TTC7A: variants seen among roughly 807,000 people sequenced by gnomAD.
TTC7A encodes the protein tetratricopeptide repeat protein 7A.
A neutral mutation model predicts 103.7 loss-of-function variants in TTC7A; 110 were observed. The ratio of observed to expected loss-of-function variants is 1.06; its 90% CI spans 0.91 to 1.24. The LOEUF is 1.24. Ranked by LOEUF, TTC7A falls within the 50% of genes most tolerant of loss-of-function variation. TTC7A has a pLI of 0.00. For synonymous variants in TTC7A, 521 were observed against 467.9 expected, an observed-to-expected ratio of 1.11 and a Z score of -1.47; for missense variants, 1,340 against 1,116.3, an observed-to-expected ratio of 1.20 and a Z score of -2.86.
chr2:46,945,929 G>A (rs77204184), intron 1 of TTC7A, among the ~76,000 whole-genome samples: 6,121 of 152,250 alleles, frequency 0.04, 294 homozygotes, highest in African/African-American at 0.11. Flanking sequence ...TTGCCCCAGC[G>A]GGGAAGGGCC....
chr2:47,032,713 C>T (rs1344544607), intron 15 of TTC7A, among the ~76,000 whole-genome samples: 1 of 151,794 alleles, frequency 6.6e-6, no homozygotes, highest in East Asian at 1.9e-4. Context: ...TCATCTTGAG[C>T]CACCATGAGC....
chr2:46,931,854 A>G (rs1051468171), intron 2 of TTC7A, among the ~76,000 whole-genome samples: 3 of 152,144 alleles, frequency 2.0e-5, no homozygotes, highest in Non-Finnish European at 4.4e-5. Context: ...TAATGAATAC[A>G]TGTTGTTTAA....
At chr2:47,060,612 C>T (rs1405072049) in intron 18 of TTC7A, among the ~76,000 whole-genome samples, 157 bp from the exon 19 acceptor site, 1 of 152,196 alleles carries the variant, frequency 6.6e-6, no homozygotes, top group African/African-American at 2.4e-5. Context: ...CTAGTGTTCC[C>T]ACTACATCCT....
At chr2:47,014,189 A>G (rs978195440) in intron 11 of TTC7A, among the ~76,000 whole-genome samples, 2 of 152,088 alleles carry the variant, frequency 1.3e-5, no homozygotes, top group African/African-American at 4.8e-5. Flanking sequence ...TAGGTGGGGA[A>G]CTTGCTCACT....
rs1264208208 is a variant in TTC7A at position 46,941,235 on chromosome 2, TGCAGCGGCGGCGGCGGCG to T, written c.-300_-283del. On this transcript the variant is annotated 5_prime_UTR_variant, in exon 1 of 20. Transcript: ENST00000319190. This position sits in a 1 kb window ranked among gnomAD's most constrained non-coding sequence, Gnocchi z 4.2. ...CCGGGGCGGAGGCTGTGGCAGCAGC[TGCAGCGGCGGCGGCGGCG>T]GCAGCGCCAGGAGCTGCTACAGCAG... The T allele has an allele frequency of 6.3e-3, 951 of 149,892 alleles. 27 individuals carry two copies. Among genetic ancestry groups the T allele is most frequent in the Admixed American group, 0.054 (809 of 14,906 alleles). 9.3% of individuals were successfully genotyped at this position (149,892 alleles called of 1,614,324 possible).
chr2:47,024,760 C>G (rs1184398940), intron 14 of TTC7A, among the ~76,000 whole-genome samples: 1 of 152,154 alleles, frequency 6.6e-6, no homozygotes, highest in African/African-American at 2.4e-5. Context: ...GACCCCCAAG[C>G]TACTCCTTCA....
intron 7 of TTC7A, 103 bp from the exon 8 acceptor site, chr2:46,995,033 C>A: frequency 1.9e-6 from 2 of 1,062,510 alleles, no homozygotes; most frequent in Admixed American, 2.0e-5. Flanking sequence ...GGTCACCTTA[C>A]CGAGCTGGTG....
chr2:47,000,716 G>A (rs1357979703), intron 8 of TTC7A, among the ~76,000 whole-genome samples: 1 of 152,168 alleles, frequency 6.6e-6, no homozygotes, highest in African/African-American at 2.4e-5. Context: ...TTGTTTCTGG[G>A]GTAGTTTTGC....
At chr2:46,958,115 C>T (rs1171356615) in intron 3 of TTC7A, among the ~76,000 whole-genome samples, 1 of 152,174 alleles carries the variant, frequency 6.6e-6, no homozygotes, top group African/African-American at 2.4e-5. Flanking sequence ...CCCCTGGGTC[C>T]CAGGAGGAGT....
Position 46,985,413 on chromosome 2 carries a change from G to A in TTC7A, c.764+6506G>A, listed in dbSNP as rs1472297065. On this transcript the variant is annotated intron_variant, in intron 5 of 19. Transcript: ENST00000319190. ...TCAGCCCCTGTGTCTGTTTCCTGTGGCCCATCCAGCCCAGAGGAGCTGGAG... is the reference window on the plus strand; with the variant it reads ...TCAGCCCCTGTGTCTGTTTCCTGTGACCCATCCAGCCCAGAGGAGCTGGAG... Among the ~76,000 whole-genome samples, 3 of 152,212 alleles carry A rather than the reference G, an allele frequency of 2.0e-5. No homozygotes were observed. In the East Asian group the frequency reaches 5.8e-4, roughly 29 times the overall value.
chr2:47,044,787 C>G lies in TTC7A; in HGVS notation c.1803-1528C>G, dbSNP rs140679054. Among the ~76,000 whole-genome samples the G allele has an allele frequency of 2.2e-4, 34 of 152,328 alleles. No individual in the cohort carries two copies. The East Asian group carries it at 5.2e-3, about 23-fold the overall frequency. On this transcript the variant is annotated intron_variant, in intron 15 of 19. Transcript: ENST00000319190. ...TCTTCTGAAAATCCTGGGGCAAATT[C>G]CACCCTCTTCATTCTCTACCAAGTT...
chr2:47,053,543 T>TTTGTTTGTTTGGTTGG (rs66907808), intron 18 of TTC7A, among the ~76,000 whole-genome samples: 232 of 140,232 alleles, frequency 1.7e-3, no homozygotes, highest in East Asian at 7.7e-3. Flanking sequence ...TGTTTGTTTG[T>TTTGTTTGTTTGGTTGG]TTGGTTGGTT....
At chr2:46,966,679 G>A (rs912579972) in intron 3 of TTC7A, among the ~76,000 whole-genome samples, 3 of 145,540 alleles carry the variant, frequency 2.1e-5, no homozygotes, top group African/African-American at 7.6e-5. Flanking sequence ...TTTTTTTGGT[G>A]GAGATGGGGT....
At chr2:46,964,707 G>A (rs181888662) in intron 3 of TTC7A, among the ~76,000 whole-genome samples, 56 of 152,200 alleles carry the variant, frequency 3.7e-4, no homozygotes, top group Admixed American at 2.6e-3. Context: ...AGGATGTTTC[G>A]GGGCCTGCTC....
chr2:46,995,904 G>C (rs557027458), intron 8 of TTC7A, among the ~76,000 whole-genome samples: 1 of 152,332 alleles, frequency 6.6e-6, no homozygotes, highest in South Asian at 2.1e-4. Flanking sequence ...GGATGTCCAC[G>C]CGTGAATGCT....
At chr2:47,029,745 T>G (rs1680316173) in intron 15 of TTC7A, among the ~76,000 whole-genome samples, 1 of 152,212 alleles carries the variant, frequency 6.6e-6, no homozygotes. Flanking sequence ...AAGTTAATCA[T>G]AGCCCTGACA....
At chr2:47,073,542 T>C (rs2103672096) in intron 19 of TTC7A, among the ~76,000 whole-genome samples, 160 bp from the exon 20 acceptor site, 1 of 152,136 alleles carries the variant, frequency 6.6e-6, no homozygotes, top group South Asian at 2.1e-4. Context: ...AGGATTTGTA[T>C]GGGGAAAGGC....
chr2:47,036,603 C>T (rs780569359), intron 15 of TTC7A, among the ~76,000 whole-genome samples: 4 of 152,122 alleles, frequency 2.6e-5, no homozygotes, highest in Non-Finnish European at 5.9e-5. Context: ...CTAGGCTGGG[C>T]ACAGTGGCTT....
intron 8 of TTC7A, among the ~76,000 whole-genome samples, chr2:46,995,943 A>G (rs1341510892): frequency 6.6e-6 from 1 of 152,276 alleles, no homozygotes; most frequent in Non-Finnish European, 1.5e-5. Context: ...GGAGAAGACA[A>G]ATCGTGCTAG....
Sources: allele counts gnomAD v4.1 joint callset (sites outside exome capture counted in the v4.1 genomes callset), GRCh38; gene constraint gnomAD v4.1.1; non-coding constraint Gnocchi (gnomAD v3.1); transcripts MANE v1.5; gene names NCBI Gene and HGNC (gene_info 2026-07-23, HGNC 2026-07-21).